The following PLEKHA7 variants were observed in gnomAD, a reference collection of about 807,000 sequenced individuals.
PLEKHA7 encodes the protein pleckstrin homology domain-containing family A member 7.
In PLEKHA7, 104 loss-of-function variants were observed where a neutral mutation model predicts 170.0. The ratio of observed to expected loss-of-function variants is 0.61; its 90% CI spans 0.52 to 0.72. The LOEUF (loss-of-function observed/expected upper bound fraction) is 0.72. Ranked by LOEUF, PLEKHA7 falls within the 30% of genes least tolerant of loss-of-function variation. PLEKHA7 has a pLI of 0.00. For synonymous variants in PLEKHA7, 648 were observed against 660.8 expected, an observed-to-expected ratio of 0.98 and a Z score of 0.30; for missense variants, 1,615 against 1,671.7, an observed-to-expected ratio of 0.97 and a Z score of 0.59.
At chr11:16,937,117 G>A (rs189628341) in intron 3 of PLEKHA7, among the ~76,000 whole-genome samples, 2 of 151,822 alleles carry the variant, frequency 1.3e-5, no homozygotes, top group South Asian at 2.1e-4. Flanking sequence ...GTTAATAACC[G>A]TGGAGTAAAA....
At chr11:16,872,995 A>AT (rs547687375) in intron 3 of PLEKHA7, among the ~76,000 whole-genome samples, 1 of 152,098 alleles carries the variant, frequency 6.6e-6, no homozygotes, top group Non-Finnish European at 1.5e-5. Context: ...ATTATAATCT[A>AT]TATCTCTTTC....
At chr11:16,876,485 G>A (rs1259386109) in intron 3 of PLEKHA7, among the ~76,000 whole-genome samples, 1 of 152,226 alleles carries the variant, frequency 6.6e-6, no homozygotes, top group Non-Finnish European at 1.5e-5. Context: ...ACTTAGGAAA[G>A]GACCAGGGAA....
At chr11:16,854,779 C>T in intron 6 of PLEKHA7, 110 bp downstream of exon 6, 2 of 918,440 alleles carry the variant, frequency 2.2e-6, no homozygotes, top group Admixed American at 2.1e-5. Context: ...CTCAGACAAA[C>T]TCAGGAACAG....
chr11:16,876,763 T>C (rs1855326630), intron 3 of PLEKHA7, among the ~76,000 whole-genome samples: 1 of 152,268 alleles, frequency 6.6e-6, no homozygotes, highest in Non-Finnish European at 1.5e-5. Context: ...CTATGGTTTC[T>C]TGCAGCATTT....
chr11:16,899,335 TAAA>T, intron 3 of PLEKHA7, among the ~76,000 whole-genome samples: 1 of 152,244 alleles, frequency 6.6e-6, no homozygotes. Context: ...CCGTCTCTAC[TAAA>T]AATACAAAAT....
At chr11:16,835,555 C>T (rs1375144684) in intron 9 of PLEKHA7, among the ~76,000 whole-genome samples, 2 of 152,142 alleles carry the variant, frequency 1.3e-5, no homozygotes, top group African/African-American at 4.8e-5. Context: ...CAAAGCAAAT[C>T]CTATGGAAGT....
rs548373408 is a variant in PLEKHA7 at position 16,995,242 on chromosome 11, A to G, written c.221+18747T>C. Among the ~76,000 whole-genome samples, 6 of 152,284 alleles carry G rather than the reference A, an allele frequency of 3.9e-5. No homozygotes were observed. The East Asian group carries it at 1.2e-3, about 29-fold the overall frequency. ...AGCCGAGGCAACCACATAGCAGACCATGCTCCTGAGCACTGGGCCACTCTG... is the reference window on the plus strand; with the variant it reads ...AGCCGAGGCAACCACATAGCAGACCGTGCTCCTGAGCACTGGGCCACTCTG... On this transcript the variant is annotated intron_variant, in intron 3 of 26. Coordinates refer to ENST00000531066, the MANE Select transcript of PLEKHA7 (RefSeq NM_001329630.2).
chr11:16,886,189 C>T (rs1856088437), intron 3 of PLEKHA7, among the ~76,000 whole-genome samples: 1 of 152,060 alleles, frequency 6.6e-6, no homozygotes, highest in Non-Finnish European at 1.5e-5. Context: ...GCAGAGACTC[C>T]TGGAAAAGAA....
intron 9 of PLEKHA7, among the ~76,000 whole-genome samples, chr11:16,839,101 C>T (rs532896077): frequency 5.9e-5 from 9 of 152,008 alleles, no homozygotes; most frequent in Admixed American, 3.3e-4. Flanking sequence ...AAGGTTAATA[C>T]AAAAATTTTA....
At chr11:16,952,520 T>A (rs1382876358) in intron 3 of PLEKHA7, among the ~76,000 whole-genome samples, 1 of 152,096 alleles carries the variant, frequency 6.6e-6, no homozygotes, top group Non-Finnish European at 1.5e-5. Context: ...TTTCTATCAT[T>A]TGCAGCTAAA....
intron 3 of PLEKHA7, among the ~76,000 whole-genome samples, chr11:17,006,347 C>A (rs528350333): frequency 5.0e-4 from 73 of 146,742 alleles, no homozygotes; most frequent in Non-Finnish European, 9.1e-4. Flanking sequence ...AAAAAAACGT[C>A]CAGGCACGGT....
intron 13 of PLEKHA7, among the ~76,000 whole-genome samples, chr11:16,806,102 C>G (rs2134477348): frequency 6.6e-6 from 1 of 152,314 alleles, no homozygotes; most frequent in Middle Eastern, 3.4e-3. Context: ...CAGCCAGGGC[C>G]TAGCATATTG....
At position 16,791,281 on chromosome 11, in the gene PLEKHA7, T is replaced by A; in HGVS notation, c.2746-82A>T. The A allele has an allele frequency of 1.5e-6, 2 of 1,351,038 alleles. No individual in the cohort carries two copies. Among genetic ancestry groups the A allele is most frequent in the Admixed American group, 2.6e-5 (1 of 38,272 alleles). The allele number at this position is 1,351,038 out of a possible 1,614,324, so 83.7% of individuals were successfully genotyped here. On this transcript the variant is annotated intron_variant, in intron 19 of 26. Transcript: ENST00000531066. The surrounding 1 kb of genome is among the most constrained non-coding windows in gnomAD (Gnocchi z 4.5). The stretch of plus-strand genomic sequence containing the variant: ...GCTAGGTACTGCCACAGTGGAGGTT[T>A]AAAGGGTAGGAACAGGCCACATCAG...
At chr11:16,960,193 C>T (rs995574460) in intron 3 of PLEKHA7, among the ~76,000 whole-genome samples, 3 of 152,176 alleles carry the variant, frequency 2.0e-5, no homozygotes, top group Admixed American at 2.0e-4. Flanking sequence ...ACCCTGTTCC[C>T]TTTTGTCCAG....
At position 16,841,698 on chromosome 11, in the gene PLEKHA7, G is replaced by T. The variant is rs35908144; in HGVS notation, c.721C>A (p.Leu241Ile). 2,052 of 1,614,108 alleles carry T rather than the reference G, an allele frequency of 1.3e-3. 22 individuals carry two copies. The African/African-American group carries it at 0.024, about 19-fold the overall frequency. ...CCCGCTGTGGAGCTGTTATAGATGAGCGCTCGCATCCCCGTGTGCACAGCC... is the reference window on the plus strand; with the variant it reads ...CCCGCTGTGGAGCTGTTATAGATGATCGCTCGCATCCCCGTGTGCACAGCC... ...FKAVHTGMRALIYNSSTAGSQ... is the reference protein window; with the variant it reads ...FKAVHTGMRAIIYNSSTAGSQ... The change falls in exon 9 of 27, where the codon CTC becomes ATC. Residue 241 changes from leucine (L) to isoleucine (I), a missense_variant. Physicochemically the swap from Leu to Ile is conservative, Grantham distance 5 (BLOSUM62 2). Coordinates refer to ENST00000531066, the MANE Select transcript of PLEKHA7 (RefSeq NM_001329630.2).
intron 26 of PLEKHA7, among the ~76,000 whole-genome samples, chr11:16,779,337 C>T (rs1848851240): frequency 6.6e-6 from 1 of 152,254 alleles, no homozygotes; most frequent in Admixed American, 6.5e-5. Context: ...CTCTTGGCCT[C>T]TGTGGGCCTT....
At chr11:16,894,027 T>C (rs760866485) in intron 3 of PLEKHA7, among the ~76,000 whole-genome samples, 4 of 152,206 alleles carry the variant, frequency 2.6e-5, no homozygotes, top group African/African-American at 4.8e-5. Flanking sequence ...AAGCCTCCTC[T>C]TTCCAACTGC....
chr11:16,787,275 C>A lies in PLEKHA7; in HGVS notation c.3358-888G>T, dbSNP rs371246726. The A allele has an allele frequency of 3.2e-4, 309 of 972,050 alleles. 2 individuals carry two copies. In the South Asian group the frequency reaches 0.012, roughly 36 times the overall value. The allele number at this position is 972,050 out of a possible 1,614,324, so 60.2% of individuals were successfully genotyped here. On this transcript the variant is annotated intron_variant, in intron 23 of 26. Transcript: ENST00000531066. ...AAAGCAGATGCTTATCTATCCCAGG[C>A]CATCTTCTCTCTCCCATCCATCCAC...
At chr11:16,912,694 T>A (rs1165022364) in intron 3 of PLEKHA7, among the ~76,000 whole-genome samples, 1 of 152,120 alleles carries the variant, frequency 6.6e-6, no homozygotes, top group African/African-American at 2.4e-5. Context: ...GATCTCCAGG[T>A]GCTGTGATAG....
Sources: allele counts gnomAD v4.1 joint callset (sites outside exome capture counted in the v4.1 genomes callset), GRCh38; gene constraint gnomAD v4.1.1; non-coding constraint Gnocchi (gnomAD v3.1); transcripts MANE v1.5; gene names NCBI Gene and HGNC (gene_info 2026-07-23, HGNC 2026-07-21).